The following NSUN6 variants were observed in gnomAD, a reference collection of about 807,000 sequenced individuals.
NSUN6 encodes NOP2/Sun RNA methyltransferase 6, also known as tRNA (cytosine(72)-C(5))-methyltransferase NSUN6.
In NSUN6, 64 loss-of-function variants were observed where a neutral mutation model predicts 58.0. That is an observed-to-expected ratio of 1.10 (90% CI 0.90 to 1.36). The LOEUF (loss-of-function observed/expected upper bound fraction) is 1.36, where lower values mean the gene tolerates loss of function less well. NSUN6 is among the 40% of genes most tolerant of loss of function. The probability of loss-of-function intolerance (pLI) is 0.00; values close to 1 mark genes in which losing one functional copy is unlikely to be tolerated. For missense variants in NSUN6, 701 were observed against 550.1 expected (o/e 1.27, Z -2.74); for synonymous variants, 231 against 193.9 (o/e 1.19, Z -1.59).
chr10:18,634,181 T>A (rs560147701), intron 3 of NSUN6, among the ~76,000 whole-genome samples: 41 of 152,220 alleles, frequency 2.7e-4, no homozygotes, highest in African/African-American at 9.2e-4. Flanking sequence ...AGGAAAAATA[T>A]TTCAAGTACC....
chr10:18,644,157 G>A (rs545307703), intron 2 of NSUN6, among the ~76,000 whole-genome samples: 5 of 152,198 alleles, frequency 3.3e-5, no homozygotes, highest in Non-Finnish European at 7.3e-5. Flanking sequence ...CTCACTGGCA[G>A]TCAATCCCTG....
rs1453561500 is a variant in NSUN6, at chr10:18,651,445, T to C, written c.-242A>G. The C allele has an allele frequency of 1.7e-5, 20 of 1,207,566 alleles. No individual in the cohort carries two copies. The highest frequency in any genetic ancestry group is 3.3e-4 in the Middle Eastern group (1 of 3,040). 74.8% of individuals were successfully genotyped at this position (1,207,566 alleles called of 1,614,324 possible). On this transcript the variant is annotated 5_prime_UTR_variant, in exon 1 of 11. Transcript: ENST00000377304. ...AGGCAATGTTTTCTGGTAGAGATGC[T>C]CATGGAAATCACTGAGCCAATGCCA...
upstream of NSUN6, chr10:18,655,177 T>C: frequency 1.0e-6 from 1 of 978,606 alleles, no homozygotes; most frequent in Non-Finnish European, 1.2e-6. Context: ...CCTTCCCACC[T>C]AAGAAAGGAA....
At chr10:18,551,328 C>T (rs955889935) in intron 9 of NSUN6, among the ~76,000 whole-genome samples, 1 of 141,994 alleles carries the variant, frequency 7.0e-6, no homozygotes, top group East Asian at 2.3e-4. Context: ...ATCATTTTAG[C>T]CATTTTAAGT....
chr10:18,624,406 T>G (rs989638636), intron 3 of NSUN6, among the ~76,000 whole-genome samples: 1 of 151,810 alleles, frequency 6.6e-6, no homozygotes, highest in African/African-American at 2.4e-5. Context: ...CTGGGTGCGG[T>G]GGCTCATGCC....
chr10:18,576,906 A>G (rs187787642), intron 8 of NSUN6, among the ~76,000 whole-genome samples: 1 of 152,294 alleles, frequency 6.6e-6, no homozygotes, highest in East Asian at 1.9e-4. Flanking sequence ...AAAATAGGAC[A>G]TTGTAAGCAA....
chr10:18,574,023 C>T (rs1054404115), intron 8 of NSUN6, among the ~76,000 whole-genome samples: 2 of 152,078 alleles, frequency 1.3e-5, no homozygotes, highest in South Asian at 2.1e-4. Context: ...CTCATAACTG[C>T]CCCTGTTTTA....
intron 9 of NSUN6, among the ~76,000 whole-genome samples, chr10:18,549,791 G>A (rs1415096603): frequency 6.6e-6 from 1 of 152,158 alleles, no homozygotes; most frequent in Non-Finnish European, 1.5e-5. Flanking sequence ...ATACATACTT[G>A]TGCTTTTTAA....
intron 3 of NSUN6, among the ~76,000 whole-genome samples, chr10:18,641,625 C>A (rs1221682395): frequency 6.6e-6 from 1 of 152,162 alleles, no homozygotes; most frequent in African/African-American, 2.4e-5. Flanking sequence ...CTACCTCAGC[C>A]TCCCAAAGTG....
intron 5 of NSUN6, among the ~76,000 whole-genome samples, chr10:18,612,112 C>T (rs1475571645): frequency 6.6e-6 from 1 of 152,154 alleles, no homozygotes; most frequent in Non-Finnish European, 1.5e-5. Context: ...TGAAATGTCA[C>T]TGACTCACAT....
chr10:18,652,678 G>A (rs896632485), upstream of NSUN6: 11 of 622,388 alleles, frequency 1.8e-5, no homozygotes, highest in African/African-American at 2.2e-4. Flanking sequence ...TCCTGCCTTG[G>A]CCTCCCGAGT....
intron 8 of NSUN6, among the ~76,000 whole-genome samples, chr10:18,571,330 A>ATTCCC (rs2056348406): frequency 7.1e-6 from 1 of 141,384 alleles, no homozygotes; most frequent in African/African-American, 2.7e-5. Context: ...TCTCCATTCC[A>ATTCCC]TTCCCTTGCA....
chr10:18,574,898 G>T (rs1254729313), intron 8 of NSUN6, among the ~76,000 whole-genome samples: 2 of 152,210 alleles, frequency 1.3e-5, no homozygotes, highest in South Asian at 4.1e-4. Context: ...CCTTTCTTTT[G>T]AAAGTCGAGG....
At chr10:18,553,582 A>T (rs2054761643) in intron 8 of NSUN6, among the ~76,000 whole-genome samples, 1 of 150,884 alleles carries the variant, frequency 6.6e-6, no homozygotes, top group African/African-American at 2.4e-5. Flanking sequence ...TGGAATGGAG[A>T]TTGTTTTGAA....
At chr10:18,588,398 G>A (rs1036125907) in intron 7 of NSUN6, among the ~76,000 whole-genome samples, 2 of 152,206 alleles carry the variant, frequency 1.3e-5, no homozygotes, top group African/African-American at 4.8e-5. Flanking sequence ...ATCCTGACAA[G>A]GGGGATTCTC....
chr10:18,547,179 TGAA>T (rs1425000929), intron 10 of NSUN6, among the ~76,000 whole-genome samples: 5 of 152,316 alleles, frequency 3.3e-5, no homozygotes, highest in South Asian at 2.1e-4. Context: ...TGCAAACTAC[TGAA>T]GAAGATCTAT....
At chr10:18,642,894 A>C (rs548816489) in intron 2 of NSUN6, among the ~76,000 whole-genome samples, 1 of 152,300 alleles carries the variant, frequency 6.6e-6, no homozygotes, top group Admixed American at 6.5e-5. Context: ...GTTTCTGAAT[A>C]AGATGTTAAA....
chr10:18,554,089 C>A (rs1436158181), intron 8 of NSUN6, among the ~76,000 whole-genome samples: 3 of 138,900 alleles, frequency 2.2e-5, no homozygotes, highest in East Asian at 4.4e-4. Flanking sequence ...GGAATGGAGA[C>A]TGGAATGGAA....
At chr10:18,618,466 G>A (rs903947493) in intron 3 of NSUN6, among the ~76,000 whole-genome samples, 2 of 152,048 alleles carry the variant, frequency 1.3e-5, no homozygotes, top group Non-Finnish European at 2.9e-5. Context: ...TGGATCACAT[G>A]AGGTTGGGAG....
Sources: allele counts gnomAD v4.1 joint callset (sites outside exome capture counted in the v4.1 genomes callset), GRCh38; gene constraint gnomAD v4.1.1; transcripts MANE v1.5; gene names NCBI Gene and HGNC (gene_info 2026-07-23, HGNC 2026-07-21).